Variants in DNAH14 observed in about 807,000 individuals in gnomAD.
DNAH14 encodes the protein dynein axonemal heavy chain 14.
In DNAH14, 478 loss-of-function variants were observed where a neutral mutation model predicts 520.9. The ratio of observed to expected loss-of-function variants is 0.92; its 90% CI spans 0.85 to 0.99. DNAH14 has a LOEUF of 0.99. Among genes scored for constraint, DNAH14 ranks in the 50% least tolerant of loss-of-function variants. DNAH14 has a pLI of 0.00. For missense variants in DNAH14, 4,831 were observed against 5,234.5 expected, an observed-to-expected ratio of 0.92 and a Z score of 2.38; for synonymous variants, 1,581 against 1,757.2, an observed-to-expected ratio of 0.90 and a Z score of 2.51.
chr1:225,139,214 A>G (rs1482457403), intron 27 of DNAH14, among the ~76,000 whole-genome samples: 2 of 152,220 alleles, frequency 1.3e-5, no homozygotes, highest in Admixed American at 6.5e-5. Context: ...TACAAAGGTG[A>G]CAAAATTATA....
At chr1:225,133,757 T>C (rs7550540) in intron 27 of DNAH14, among the ~76,000 whole-genome samples, 6,641 of 152,288 alleles carry the variant, frequency 0.044, 427 homozygotes, top group African/African-American at 0.14. Flanking sequence ...TCTAATTCTA[T>C]GGAGAATGTC....
chr1:225,269,110 C>T (rs1388731502), intron 49 of DNAH14, among the ~76,000 whole-genome samples: 4 of 152,142 alleles, frequency 2.6e-5, no homozygotes, highest in South Asian at 2.1e-4. Flanking sequence ...AAAACAGCAT[C>T]GTGCTGGTAC....
intron 55 of DNAH14, among the ~76,000 whole-genome samples, chr1:225,300,027 C>G (rs953261475): frequency 2.0e-5 from 3 of 152,086 alleles, no homozygotes; most frequent in Non-Finnish European, 4.4e-5. Flanking sequence ...GATTTATTCT[C>G]AAAAGCAAAA....
chr1:225,104,677 G>T (rs150393122), intron 23 of DNAH14, among the ~76,000 whole-genome samples: 1 of 151,994 alleles, frequency 6.6e-6, no homozygotes, highest in African/African-American at 2.4e-5. Context: ...TTGCATAGAG[G>T]TGTTGATAGT....
At chr1:225,101,797 T>C (rs1028256990) in intron 23 of DNAH14, among the ~76,000 whole-genome samples, 41 of 152,224 alleles carry the variant, frequency 2.7e-4, no homozygotes, top group African/African-American at 9.9e-4. Context: ...TTTTGGTTAT[T>C]GTGAATAGTG....
chr1:225,242,341 G>C (rs1281336715), intron 43 of DNAH14, among the ~76,000 whole-genome samples: 1 of 151,612 alleles, frequency 6.6e-6, no homozygotes, highest in Non-Finnish European at 1.5e-5. Context: ...ACAACACTTA[G>C]CTTAAAGCAA....
chr1:225,214,640 G>C (rs1396649201), intron 41 of DNAH14, among the ~76,000 whole-genome samples: 2 of 152,148 alleles, frequency 1.3e-5, no homozygotes, highest in Non-Finnish European at 2.9e-5. Context: ...TCTTGGGAAG[G>C]TGTATGTGTC....
chr1:224,999,327 C>T (rs2063597561), intron 8 of DNAH14, among the ~76,000 whole-genome samples: 1 of 152,130 alleles, frequency 6.6e-6, no homozygotes, highest in Admixed American at 6.6e-5. Flanking sequence ...CTGCCTCAGC[C>T]TCCCAAGTAG....
At chr1:224,979,310 T>C (rs1450837458) in intron 8 of DNAH14, among the ~76,000 whole-genome samples, 2 of 152,256 alleles carry the variant, frequency 1.3e-5, no homozygotes, top group East Asian at 3.9e-4. Context: ...GGAGAGATAA[T>C]CTGAGCACTT....
chr1:224,989,881 C>A (rs1015778309), intron 8 of DNAH14, among the ~76,000 whole-genome samples: 2 of 152,034 alleles, frequency 1.3e-5, no homozygotes, highest in Admixed American at 1.3e-4. Context: ...TTTTTGAATA[C>A]AAAACCAGCT....
At chr1:224,972,465 G>A (rs1181782746) in intron 7 of DNAH14, among the ~76,000 whole-genome samples, 1 of 143,062 alleles carries the variant, frequency 7.0e-6, no homozygotes, top group African/African-American at 2.8e-5. Context: ...CACCGCACCT[G>A]GCTAATTTTT....
chr1:224,942,980 C>G (rs902987299), intron 1 of DNAH14, among the ~76,000 whole-genome samples: 5 of 152,108 alleles, frequency 3.3e-5, no homozygotes, highest in Admixed American at 6.6e-5. Context: ...TTTGTTGTGT[C>G]TCTGCCAGGC....
chr1:225,086,607 G>A (rs1405436620), intron 21 of DNAH14, among the ~76,000 whole-genome samples: 1 of 151,816 alleles, frequency 6.6e-6, no homozygotes, highest in African/African-American at 2.4e-5. Flanking sequence ...CACATTATTT[G>A]TAATATTTAG....
chr1:225,243,640 C>A (rs899731993), intron 43 of DNAH14, among the ~76,000 whole-genome samples: 3 of 151,786 alleles, frequency 2.0e-5, no homozygotes, highest in African/African-American at 7.3e-5. Flanking sequence ...GAACATATAG[C>A]TATGAAAAAG....
chr1:225,354,698 T>A (rs181282139), intron 73 of DNAH14, among the ~76,000 whole-genome samples: 49 of 152,256 alleles, frequency 3.2e-4, no homozygotes, highest in African/African-American at 1.2e-3. Context: ...CCAGGCTAGA[T>A]CATCCTAAAT....
At chr1:224,983,014 T>G (rs74562775) in intron 8 of DNAH14, among the ~76,000 whole-genome samples, 1 of 152,332 alleles carries the variant, frequency 6.6e-6, no homozygotes, top group East Asian at 1.9e-4. Context: ...TTGTTGACTT[T>G]CTGTTTTGAT....
At chr1:225,201,885 T>TC (rs1027158637) in intron 38 of DNAH14, among the ~76,000 whole-genome samples, 13 of 149,804 alleles carry the variant, frequency 8.7e-5, no homozygotes, top group Admixed American at 2.6e-4. Flanking sequence ...TTTTTTTTTT[T>TC]TTTTTTTGAG....
chr1:225,328,151 A>G (rs933516269), intron 64 of DNAH14, among the ~76,000 whole-genome samples: 3 of 152,256 alleles, frequency 2.0e-5, no homozygotes, highest in African/African-American at 7.2e-5. Context: ...TCTGAGATAC[A>G]TTATAGTCAA....
chr1:225,336,318 G>A (rs1357376635), intron 66 of DNAH14, among the ~76,000 whole-genome samples: 1 of 151,818 alleles, frequency 6.6e-6, no homozygotes, highest in Non-Finnish European at 1.5e-5. Flanking sequence ...ATTTACCATA[G>A]ATTACAAAAG....
Sources: allele counts gnomAD v4.1 joint callset (sites outside exome capture counted in the v4.1 genomes callset), GRCh38; gene constraint gnomAD v4.1.1; transcripts MANE v1.5; gene names NCBI Gene and HGNC (gene_info 2026-07-23, HGNC 2026-07-21).